The following IBA57 variants were observed in gnomAD, a reference collection of about 807,000 sequenced individuals.
IBA57 encodes iron-sulfur cluster assembly factor IBA57, mitochondrial.
In IBA57, 20 loss-of-function variants were observed where a neutral mutation model predicts 20.4. That is an observed-to-expected ratio of 0.98 (90% CI 0.69 to 1.42). The LOEUF (loss-of-function observed/expected upper bound fraction) is 1.42, where lower values mean the gene tolerates loss of function less well. Ranked by LOEUF, IBA57 falls within the 40% of genes most tolerant of loss-of-function variation. IBA57 has a pLI of 0.00. For synonymous variants in IBA57, 310 were observed against 233.9 expected, an observed-to-expected ratio of 1.33 and a Z score of -2.97; for missense variants, 608 against 499.3, an observed-to-expected ratio of 1.22 and a Z score of -2.07.
Position 228,175,643 on chromosome 1 carries a change from A to T in IBA57, c.*130A>T. On this transcript the variant is annotated 3_prime_UTR_variant, in exon 3 of 3. Coordinates refer to ENST00000366711, the MANE Select transcript of IBA57 (RefSeq NM_001010867.4). Reference sequence around the variant, plus strand: ...GGGAGCCCTGGTTTCCATCTGGGAAAGTCCCCCTTGTAGGTGCCCTGCCTG... The same window carrying T: ...GGGAGCCCTGGTTTCCATCTGGGAATGTCCCCCTTGTAGGTGCCCTGCCTG... The T allele has an allele frequency of 7.9e-7, 1 of 1,263,474 alleles. No homozygotes were observed. 78.3% of individuals were successfully genotyped at this position (1,263,474 alleles called of 1,614,324 possible). A position where few individuals can be genotyped will look rare whatever the true frequency, so the allele number is the denominator to read the frequency against.
Position 228,175,302 on chromosome 1 carries a change from C to T in IBA57, c.860C>T (p.Pro287Leu), listed in dbSNP as rs758828403. 5 of 1,612,948 alleles carry T rather than the reference C, an allele frequency of 3.1e-6. No homozygotes were observed. In the South Asian group the frequency reaches 3.3e-5, roughly 11 times the overall value. Reference sequence around the variant, plus strand: ...CTCTTCCCTGTCCGGTTCTTGGACCCCCTTCCCACCAGTGGCATCACCCCT... The same window carrying T: ...CTCTTCCCTGTCCGGTTCTTGGACCTCCTTCCCACCAGTGGCATCACCCCT... The part of the protein sequence containing the change: ...KRLFPVRFLD[P>L]LPTSGITPGA... Residue 287 changes from proline (P) to leucine (L), a missense_variant, in exon 3 of 3, where the codon CCC becomes CTC. Physicochemically the swap from Pro to Leu is moderately conservative, Grantham distance 98. Transcript: ENST00000366711.
Position 228,175,747 on chromosome 1 carries a change from G to C in IBA57, c.*234G>C. 1 of 467,814 alleles carries C rather than the reference G, an allele frequency of 2.1e-6. No homozygotes were observed. Among genetic ancestry groups the C allele is most frequent in the Non-Finnish European group, 3.8e-6 (1 of 266,404 alleles). The allele number at this position is 467,814 out of a possible 1,614,324, so 29.0% of individuals were successfully genotyped here. On this transcript the variant is annotated 3_prime_UTR_variant, in exon 3 of 3. Coordinates refer to ENST00000366711, the MANE Select transcript of IBA57 (RefSeq NM_001010867.4). ...TCCTGTGGCCCCAGAGGAGCCCACC[G>C]TGTGAGTGCTGGGCTCCAGATGGCG...
At chr1:228,169,949 C>G (rs958705521) in intron 1 of IBA57, among the ~76,000 whole-genome samples, 1 of 152,100 alleles carries the variant, frequency 6.6e-6, no homozygotes, top group South Asian at 2.1e-4. Flanking sequence ...TCACTGCAAC[C>G]TCTGCCTCCC....
chr1:228,175,556 C>A lies in IBA57; in HGVS notation c.*43C>A. On this transcript the variant is annotated 3_prime_UTR_variant, in exon 3 of 3. Transcript: ENST00000366711. ...CGCAGGCTGATGGGGAGGCTGGGGC[C>A]TGGGGCCTTTGGCCTCTGTCCAGGG... 6.6e-7 allele frequency: 1 copy of A among 1,520,280 alleles called. No homozygotes were observed. Among genetic ancestry groups the A allele is most frequent in the Non-Finnish European group, 8.8e-7 (1 of 1,135,248 alleles). The allele number at this position is 1,520,280 out of a possible 1,614,324, so 94.2% of individuals were successfully genotyped here. A position where few individuals can be genotyped will look rare whatever the true frequency, so the allele number is the denominator to read the frequency against.
In IBA57 at chr1:228,177,934, G is replaced by T. The variant is rs992493298; in HGVS notation, c.*2421G>T. The T allele has an allele frequency of 2.0e-5, 3 of 152,182 alleles. No homozygotes were observed. The highest frequency in any genetic ancestry group is 4.4e-5 in the Non-Finnish European group (3 of 68,060). The allele number at this position is 152,182 out of a possible 1,614,324, so 9.4% of individuals were successfully genotyped here. On this transcript the variant is annotated 3_prime_UTR_variant, in exon 3 of 3. Transcript: ENST00000366711. ...GAACACTGGGATCTGCTGAGAGCTGGTGTAGCCGCTCCAAAACTGCACACT... is the reference window on the plus strand; with the variant it reads ...GAACACTGGGATCTGCTGAGAGCTGTTGTAGCCGCTCCAAAACTGCACACT...
At chr1:228,173,950 TGGGCA>T (rs2034963020) in intron 1 of IBA57, among the ~76,000 whole-genome samples, 1 of 152,240 alleles carries the variant, frequency 6.6e-6, no homozygotes, top group Non-Finnish European at 1.5e-5. Flanking sequence ...CGCACGGCTG[TGGGCA>T]GGGCTTTCCA....
In IBA57 at chr1:228,174,852, G is replaced by A; in HGVS notation, c.502G>A (p.Glu168Lys). ...GTGGGCGGTGTTGCCCAGTTCCCCTGAGGCCTGCGGGGCTGCATCGCTGCA... is the reference window on the plus strand; with the variant it reads ...GTGGGCGGTGTTGCCCAGTTCCCCTAAGGCCTGCGGGGCTGCATCGCTGCA... ...RVWAVLPSSP[E>K]ACGAASLQER... The change falls in exon 2 of 3, where the codon GAG becomes AAG. Residue 168 changes from glutamate to lysine, a missense_variant. Glu to Lys is a moderately conservative substitution (Grantham distance 56). Transcript: ENST00000366711. The A allele has an allele frequency of 1.2e-6, 2 of 1,610,330 alleles. No homozygotes were observed. The highest frequency in any genetic ancestry group is 1.1e-5 in the South Asian group (1 of 90,798).
In IBA57 at chr1:228,177,585, G is replaced by A; in HGVS notation, c.*2072G>A. On this transcript the variant is annotated 3_prime_UTR_variant, in exon 3 of 3. Transcript: ENST00000366711. ...GCTCACTGCAACCTCTGCCTCCCAG[G>A]TTCCAGTGATTTTCCTGCCTCAGCC... 1 of 143,984 alleles carries A rather than the reference G, an allele frequency of 6.9e-6. No individual in the cohort carries two copies. 8.9% of individuals were successfully genotyped at this position (143,984 alleles called of 1,614,324 possible). A position where few individuals can be genotyped will look rare whatever the true frequency, so the allele number is the denominator to read the frequency against.
At chr1:228,173,399 G>GGC (rs1553264435) in intron 1 of IBA57, 1 of 39,074 alleles carries the variant, frequency 2.6e-5, no homozygotes, top group Non-Finnish European at 5.8e-5. Flanking sequence ...TCCACTTAGT[G>GGC]CCCCCCCCCC....
rs781627051 is a variant in IBA57 at position 228,166,139 on chromosome 1, A to G, written c.323A>G (p.Tyr108Cys). The G allele has an allele frequency of 2.0e-6, 3 of 1,521,786 alleles. No homozygotes were observed. The highest frequency in any genetic ancestry group is 5.1e-5 in the East Asian group (2 of 38,858). 94.3% of individuals were successfully genotyped at this position (1,521,786 alleles called of 1,614,324 possible). A position where few individuals can be genotyped will look rare whatever the true frequency, so the allele number is the denominator to read the frequency against. The change falls in exon 1 of 3, where the codon TAT (tyrosine) becomes TGT (cysteine). Residue 108 changes from tyrosine (Y) to cysteine (C), a missense_variant. Transcript: ENST00000366711. ...CTGAACGTGCAGGGCCGGACGCTCT[A>G]TGACGTCATCTTGTACGGGTGAGCG... is the stretch of plus-strand genomic sequence containing the variant. ...HFLNVQGRTL[Y>C]DVILYGLQEH...
At position 228,166,104 on chromosome 1, in the gene IBA57, C is replaced by T. The variant is rs1410469657; in HGVS notation, c.288C>T (p.Tyr96=). The change falls in exon 1 of 3, where the codon TAC becomes TAT. Residue 96 remains tyrosine (Y), a synonymous_variant. Coordinates refer to ENST00000366711, the MANE Select transcript of IBA57 (RefSeq NM_001010867.4). ...AGAPPAARAG[Y]AHFLNVQGRT... ...CCCCGCCTGCTGCGCGCGCGGGCTA[C>T]GCCCACTTCCTGAACGTGCAGGGCC... The T allele has an allele frequency of 2.0e-6, 3 of 1,536,464 alleles. No homozygotes were observed. Among genetic ancestry groups the T allele is most frequent in the African/African-American group, 2.8e-5 (2 of 71,254 alleles).
Position 228,176,301 on chromosome 1 carries a change from T to A in IBA57, c.*788T>A, listed in dbSNP as rs892316206. ...CTGTCAGTCACGGGGCACAGCCTCC[T>A]GTTCACCCACTGGCTTCCCCCTTCC... is the stretch of plus-strand genomic sequence containing the variant. On this transcript the variant is annotated 3_prime_UTR_variant, in exon 3 of 3. Coordinates refer to ENST00000366711, the MANE Select transcript of IBA57 (RefSeq NM_001010867.4). The A allele has an allele frequency of 2.0e-5, 3 of 152,374 alleles. No individual in the cohort carries two copies. The highest frequency in any genetic ancestry group is 2.9e-5 in the Non-Finnish European group (2 of 68,142). 9.4% of individuals were successfully genotyped at this position (152,374 alleles called of 1,614,324 possible).
intron 1 of IBA57, among the ~76,000 whole-genome samples, chr1:228,167,416 G>T (rs569364269): frequency 6.6e-6 from 1 of 150,464 alleles, no homozygotes; most frequent in African/African-American, 2.4e-5. Flanking sequence ...GAGTGCAATG[G>T]CACAATCTTG....
rs2035025179 is a variant in IBA57, at chr1:228,176,580, G to A, written c.*1067G>A. 6.6e-6 allele frequency: 1 copy of A among 152,440 alleles called. No homozygotes were observed. The highest frequency in any genetic ancestry group is 2.4e-5 in the African/African-American group (1 of 41,474). The allele number at this position is 152,440 out of a possible 1,614,324, so 9.4% of individuals were successfully genotyped here. A position where few individuals can be genotyped will look rare whatever the true frequency, so the allele number is the denominator to read the frequency against. On this transcript the variant is annotated 3_prime_UTR_variant, in exon 3 of 3. Coordinates refer to ENST00000366711, the MANE Select transcript of IBA57 (RefSeq NM_001010867.4). ...GGCACGTGGGTGCCGAGTCTGCAAA[G>A]GACAGCCCCATGGCTGTGAGCTGTC...
rs754620334 is a variant in IBA57, at chr1:228,175,032, A to G, written c.679+3A>G. The G allele has an allele frequency of 5.4e-5, 84 of 1,556,474 alleles. 1 individual carries two copies. Among genetic ancestry groups the G allele is most frequent in the Non-Finnish European group, 6.9e-5 (79 of 1,148,384 alleles). On this transcript the variant is annotated splice_donor_region_variant and intron_variant, in intron 2 of 2. Coordinates refer to ENST00000366711, the MANE Select transcript of IBA57 (RefSeq NM_001010867.4). ...TCACCAGCACCGATACCTGCAAGGT[A>G]TGGGTGGGGTGGGCACGCTGGGCTG...
At chr1:228,169,477 C>G (rs1450588907) in intron 1 of IBA57, among the ~76,000 whole-genome samples, 4 of 152,128 alleles carry the variant, frequency 2.6e-5, no homozygotes, top group Non-Finnish European at 5.9e-5. Context: ...AGAGATTTCC[C>G]ATATTACCTC....
At chr1:228,173,501 G>A (rs1028682717) in intron 1 of IBA57, 1 of 151,824 alleles carries the variant, frequency 6.6e-6, no homozygotes, top group Non-Finnish European at 1.5e-5. Context: ...CCTCTGAGGA[G>A]GGCTGCCTGG....
At position 228,180,133 on chromosome 1, in the gene IBA57, G is replaced by T. The variant is rs376045600; in HGVS notation, c.*4620G>T. ...ATTGTGCCATTGCACTCCAGCCTGG[G>T]CAATAGAATGAGACTCTGTCTCAAA... On this transcript the variant is annotated 3_prime_UTR_variant, in exon 3 of 3. Transcript: ENST00000366711. 3 of 139,454 alleles carry T rather than the reference G, an allele frequency of 2.2e-5. No homozygotes were observed. Among genetic ancestry groups the T allele is most frequent in the South Asian group, 4.5e-4 (2 of 4,432 alleles). 8.6% of individuals were successfully genotyped at this position (139,454 alleles called of 1,614,324 possible).
rs2035116336 is a variant in IBA57 at position 228,181,840 on chromosome 1, C to CTT, written c.*6328_*6329dup. Reference sequence around the variant, plus strand: ...AATTTTGAACGTCTTGGGTGAACACCTTGGTTTGAGAAAAGTAAGAAAAAG... The same window carrying CTT: ...AATTTTGAACGTCTTGGGTGAACACCTTTTGGTTTGAGAAAAGTAAGAAAAAG... On this transcript the variant is annotated 3_prime_UTR_variant, in exon 3 of 3. Coordinates refer to ENST00000366711, the MANE Select transcript of IBA57 (RefSeq NM_001010867.4). 1 of 152,186 alleles carries CTT rather than the reference C, an allele frequency of 6.6e-6. No individual in the cohort carries two copies. The highest frequency in any genetic ancestry group is 1.5e-5 in the Non-Finnish European group (1 of 68,034). 9.4% of individuals were successfully genotyped at this position (152,186 alleles called of 1,614,324 possible).
Sources: gnomAD v4.1 joint callset for allele counts (sites outside exome capture counted in the v4.1 genomes callset) on GRCh38, gnomAD v4.1.1 for gene constraint, MANE v1.5 for transcripts, NCBI Gene and HGNC (gene_info 2026-07-23, HGNC 2026-07-21) for gene names.